Variants in DKK3 observed in about 807,000 individuals in gnomAD.
DKK3 encodes dickkopf Wnt signaling pathway inhibitor 3.
DKK3 carries 22 observed loss-of-function variants against 33.2 expected under a neutral mutation model. The observed-to-expected ratio is 0.66, with a 90% CI of 0.47 to 0.95. DKK3 has a LOEUF of 0.95. Ranked by LOEUF, DKK3 falls within the 40% of genes least tolerant of loss-of-function variation. The probability of loss-of-function intolerance (pLI) is 0.00; values close to 1 mark genes in which losing one functional copy is unlikely to be tolerated. For missense variants in DKK3, 398 were observed against 458.4 expected (o/e 0.87, Z 1.20); for synonymous variants, 194 against 188.8 (o/e 1.03, Z -0.23).
intron 3 of DKK3, among the ~76,000 whole-genome samples, chr11:11,989,916 C>T (rs2135068335): frequency 6.6e-6 from 1 of 152,292 alleles, no homozygotes; most frequent in Non-Finnish European, 1.5e-5. Flanking sequence ...TGGGTGTCTG[C>T]CTTGTATCAT....
intron 1 of DKK3, among the ~76,000 whole-genome samples, chr11:12,004,387 GA>G (rs1590559451): frequency 6.6e-6 from 1 of 152,332 alleles, no homozygotes; most frequent in East Asian, 1.9e-4. Flanking sequence ...GGGGAGTCAG[GA>G]AACTGGCTAG....
intron 3 of DKK3, among the ~76,000 whole-genome samples, chr11:11,973,265 C>G (rs73417306): frequency 0.034 from 5,154 of 152,308 alleles, 297 homozygotes; most frequent in African/African-American, 0.12. Flanking sequence ...AGAGGTCACC[C>G]AGCTTGACTG....
intron 3 of DKK3, among the ~76,000 whole-genome samples, chr11:11,985,747 A>G (rs533601682): frequency 2.0e-5 from 3 of 152,340 alleles, no homozygotes; most frequent in Admixed American, 2.0e-4. Context: ...AGAGTGAAGG[A>G]AAGTAGCTCA....
At chr11:12,000,426 C>G (rs1025163980) in intron 2 of DKK3, among the ~76,000 whole-genome samples, 1 of 151,962 alleles carries the variant, frequency 6.6e-6, no homozygotes, top group Non-Finnish European at 1.5e-5. Flanking sequence ...AGGCTGGTCT[C>G]GAGCTCCTGA....
At chr11:11,965,762 C>A in intron 6 of DKK3, 47 bp downstream of exon 6, 1 of 1,592,832 alleles carries the variant, frequency 6.3e-7, no homozygotes, top group Non-Finnish European at 8.6e-7. Flanking sequence ...CTGGATGGCA[C>A]CTCCTCAGCC....
At chr11:12,000,948 C>T (rs1248144651) in intron 2 of DKK3, among the ~76,000 whole-genome samples, 1 of 152,170 alleles carries the variant, frequency 6.6e-6, no homozygotes, top group Non-Finnish European at 1.5e-5. Context: ...AATGAACTTT[C>T]ATATACTTTA....
At chr11:12,002,665 C>T (rs997168701) in intron 1 of DKK3, among the ~76,000 whole-genome samples, 1 of 152,128 alleles carries the variant, frequency 6.6e-6, no homozygotes, top group Non-Finnish European at 1.5e-5. Context: ...TTAATGTCCT[C>T]ATATTACAAA....
intron 6 of DKK3, among the ~76,000 whole-genome samples, 199 bp from the exon 7 acceptor site, chr11:11,964,885 G>A (rs1847549379): frequency 6.6e-6 from 1 of 152,168 alleles, no homozygotes; most frequent in Non-Finnish European, 1.5e-5. Flanking sequence ...GGGAGAATGT[G>A]CTGGTGGGGG....
At chr11:12,000,499 G>A (rs1304475462) in intron 2 of DKK3, among the ~76,000 whole-genome samples, 1 of 149,880 alleles carries the variant, frequency 6.7e-6, no homozygotes, top group Non-Finnish European at 1.5e-5. Context: ...AAGCCACCGT[G>A]CCTGGCCTTT....
intron 4 of DKK3, among the ~76,000 whole-genome samples, chr11:11,967,310 G>A (rs1847621603): frequency 6.6e-6 from 1 of 152,202 alleles, no homozygotes. Context: ...AAATGGCACC[G>A]GGAGGACTCA....
rs538859985 is a variant in DKK3, at chr11:11,976,041, C to T, written c.436-7554G>A. 5.3e-5 allele frequency among the ~76,000 whole-genome samples: 8 copies of T among 152,310 alleles called. No individual in the cohort carries two copies. In the South Asian group the frequency reaches 1.7e-3, roughly 32 times the overall value. ...TGCTTAGTGGCCTCCACCCACTCTACCCCTAGCGTGGATCTCTATTTGCAG... is the reference window on the plus strand; with the variant it reads ...TGCTTAGTGGCCTCCACCCACTCTATCCCTAGCGTGGATCTCTATTTGCAG... On this transcript the variant is annotated intron_variant, in intron 3 of 6. Transcript: ENST00000683431.
chr11:12,005,278 T>C (rs1399405208), intron 1 of DKK3, among the ~76,000 whole-genome samples: 1 of 152,212 alleles, frequency 6.6e-6, no homozygotes, highest in Non-Finnish European at 1.5e-5. Context: ...GAACTAAAAG[T>C]ATAGTTTACA....
At chr11:11,973,078 C>A (rs1847758578) in intron 3 of DKK3, among the ~76,000 whole-genome samples, 1 of 152,184 alleles carries the variant, frequency 6.6e-6, no homozygotes, top group South Asian at 2.1e-4. Context: ...GTGAAAGGCA[C>A]ATCAAAAAGC....
chr11:11,967,640 G>A (rs975811723), intron 4 of DKK3, among the ~76,000 whole-genome samples: 5 of 152,342 alleles, frequency 3.3e-5, no homozygotes, highest in African/African-American at 7.2e-5. Flanking sequence ...ACAGACAGTC[G>A]GGTAAGGTAA....
chr11:11,974,929 C>T (rs936424637), intron 3 of DKK3, among the ~76,000 whole-genome samples: 5 of 151,974 alleles, frequency 3.3e-5, no homozygotes, highest in Non-Finnish European at 5.9e-5. Flanking sequence ...ACAGAAAGAA[C>T]GAACTGACCA....
At position 11,968,502 on chromosome 11, in the gene DKK3, A is replaced by G; in HGVS notation, c.436-15T>C. 6.2e-7 allele frequency: 1 copy of G among 1,611,458 alleles called. No individual in the cohort carries two copies. Among genetic ancestry groups the G allele is most frequent in the South Asian group, 1.1e-5 (1 of 90,778 alleles). ...ATGATGCACTCCTGGGGAAGGGCAC[A>G]GGGAGCAGATGTGTCAATGGAGAGC... On this transcript the variant is annotated splice_polypyrimidine_tract_variant and intron_variant, in intron 3 of 6. Transcript: ENST00000683431.
intron 3 of DKK3, among the ~76,000 whole-genome samples, chr11:11,977,779 A>G (rs1847865733): frequency 1.3e-5 from 2 of 152,150 alleles, no homozygotes; most frequent in Non-Finnish European, 2.9e-5. Flanking sequence ...TGACAAGTCC[A>G]GCAGCACTTC....
intron 3 of DKK3, among the ~76,000 whole-genome samples, chr11:11,996,881 C>A (rs16910318): frequency 0.017 from 2,521 of 152,324 alleles, 68 homozygotes; most frequent in African/African-American, 0.058. Context: ...TCTGGGCCTC[C>A]CAGATGAGAT....
At chr11:11,973,699 A>G (rs1847773655) in intron 3 of DKK3, among the ~76,000 whole-genome samples, 1 of 152,238 alleles carries the variant, frequency 6.6e-6, no homozygotes, top group African/African-American at 2.4e-5. Flanking sequence ...GGAACACAGC[A>G]TAGATTTGGC....
Sources: allele counts gnomAD v4.1 joint callset (sites outside exome capture counted in the v4.1 genomes callset), GRCh38; gene constraint gnomAD v4.1.1; transcripts MANE v1.5; gene names NCBI Gene and HGNC (gene_info 2026-07-23, HGNC 2026-07-21).